The following PGM1 variants were observed in gnomAD, a reference collection of about 807,000 sequenced individuals.
PGM1 encodes phosphoglucomutase-1.
In PGM1, 52 loss-of-function variants were observed where a neutral mutation model predicts 55.6. The ratio of observed to expected loss-of-function variants is 0.94; its 90% CI spans 0.75 to 1.18. The LOEUF (loss-of-function observed/expected upper bound fraction) is 1.18, where lower values mean the gene tolerates loss of function less well. Among genes scored for constraint, PGM1 ranks in the 50% most tolerant of loss-of-function variants. The probability of loss-of-function intolerance (pLI) is 0.00; values close to 1 mark genes in which losing one functional copy is unlikely to be tolerated. For synonymous variants in PGM1, 287 were observed against 271.7 expected, an observed-to-expected ratio of 1.06 and a Z score of -0.55; for missense variants, 724 against 729.3, an observed-to-expected ratio of 0.99 and a Z score of 0.08.
At chr1:63,605,759 A>G (rs954498165) in intron 1 of PGM1, among the ~76,000 whole-genome samples, 2 of 151,888 alleles carry the variant, frequency 1.3e-5, no homozygotes, top group Non-Finnish European at 2.9e-5. Flanking sequence ...TTTTGTAAAG[A>G]TGAGGTTTTG....
chr1:63,637,364 G>A (rs1050811330), intron 6 of PGM1, among the ~76,000 whole-genome samples: 9 of 152,198 alleles, frequency 5.9e-5, no homozygotes, highest in African/African-American at 2.2e-4. Context: ...GCTGACTCAG[G>A]ATTTGAACCC....
At chr1:63,635,724 G>C (rs751745531) in intron 5 of PGM1, among the ~76,000 whole-genome samples, 9 of 152,186 alleles carry the variant, frequency 5.9e-5, no homozygotes, top group Non-Finnish European at 1.0e-4. Flanking sequence ...AAATTAAAGG[G>C]GTTCCAGCAG....
rs1158087933 is a variant in PGM1 at position 63,593,699 on chromosome 1, A to C, written c.211A>C (p.Ile71Leu). ...GDGRFYMKEAIQLIARIAAAN... is the reference protein window; with the variant it reads ...GDGRFYMKEALQLIARIAAAN... Reference sequence around the variant, plus strand: ...CGGCCGGTTCTACATGAAGGAGGCCATCCAGCTCATCGCTCGCATCGCTGC... The same window carrying C: ...CGGCCGGTTCTACATGAAGGAGGCCCTCCAGCTCATCGCTCGCATCGCTGC... Residue 71 changes from isoleucine to leucine, a missense_variant, in exon 1 of 11, where the codon ATC (isoleucine) becomes CTC (leucine). By Grantham distance (5) the Ile-to-Leu change is conservative. Transcript: ENST00000371084. The C allele has an allele frequency of 1.9e-6, 3 of 1,602,642 alleles. No individual in the cohort carries two copies. Among genetic ancestry groups the C allele is most frequent in the Admixed American group, 1.7e-5 (1 of 59,046 alleles).
At chr1:63,659,453 T>C (rs1650057814) in intron 10 of PGM1, 133 bp from the exon 11 acceptor site, 1 of 733,996 alleles carries the variant, frequency 1.4e-6, no homozygotes, top group Admixed American at 2.0e-5. Context: ...AAATAACATG[T>C]GTTTGTTTTT....
At chr1:63,654,529 G>A in intron 10 of PGM1, 63 bp downstream of exon 10, 1 of 1,563,256 alleles carries the variant, frequency 6.4e-7, no homozygotes, top group Non-Finnish European at 8.8e-7. Context: ...GTTTCCCATT[G>A]AGCCTGTGTT....
rs1254645764 is a variant in PGM1, at chr1:63,623,210, C to G, written c.247-6215C>G. The G allele has an allele frequency of 3.7e-6, 5 of 1,340,678 alleles. No homozygotes were observed. The East Asian group carries it at 1.4e-4, about 39-fold the overall frequency. The allele number at this position is 1,340,678 out of a possible 1,614,324, so 83.0% of individuals were successfully genotyped here. A position where few individuals can be genotyped will look rare whatever the true frequency, so the allele number is the denominator to read the frequency against. ...GCTTGGTTAAGTGGGCAGAAGTGTC[C>G]TCATCAAAACAACTTTGAAGACCTG... On this transcript the variant is annotated intron_variant, in intron 1 of 10. Coordinates refer to ENST00000371084, the MANE Select transcript of PGM1 (RefSeq NM_002633.3).
intron 1 of PGM1, among the ~76,000 whole-genome samples, chr1:63,622,710 GTTC>G (rs1443915343): frequency 1.3e-5 from 2 of 152,308 alleles, no homozygotes; most frequent in East Asian, 3.9e-4. Flanking sequence ...GGAGGTATCT[GTTC>G]TTCTAGAACT....
chr1:63,619,955 C>T (rs890340099), intron 1 of PGM1, among the ~76,000 whole-genome samples: 2 of 152,124 alleles, frequency 1.3e-5, no homozygotes, highest in South Asian at 2.1e-4. Flanking sequence ...TCGCAAAAAC[C>T]TTGGGAGAGA....
At chr1:63,623,654 T>C in intron 1 of PGM1, 3 of 1,612,572 alleles carry the variant, frequency 1.9e-6, no homozygotes, top group Non-Finnish European at 2.5e-6. Flanking sequence ...TTCTTTTCCA[T>C]AGACCTAAAA....
At chr1:63,608,198 G>A (rs975190986) in intron 1 of PGM1, among the ~76,000 whole-genome samples, 1 of 152,202 alleles carries the variant, frequency 6.6e-6, no homozygotes, top group African/African-American at 2.4e-5. Flanking sequence ...CAAGCACATT[G>A]ACCTGTAGAG....
intron 1 of PGM1, among the ~76,000 whole-genome samples, chr1:63,608,400 G>A (rs756429837): frequency 6.6e-6 from 1 of 152,148 alleles, no homozygotes; most frequent in Non-Finnish European, 1.5e-5. Flanking sequence ...CCAAATACCC[G>A]GCCCTGACCG....
intron 3 of PGM1, among the ~76,000 whole-genome samples, chr1:63,631,015 A>G (rs1402036854): frequency 6.6e-6 from 1 of 152,210 alleles, no homozygotes; most frequent in Non-Finnish European, 1.5e-5. Context: ...TAAATTCTTC[A>G]TATTTTGAAA....
At chr1:63,611,431 C>A (rs1345064709) in intron 1 of PGM1, among the ~76,000 whole-genome samples, 1 of 152,126 alleles carries the variant, frequency 6.6e-6, no homozygotes, top group Non-Finnish European at 1.5e-5. Flanking sequence ...AAGAGGGAGG[C>A]CGCCGGTGAC....
In PGM1 at chr1:63,629,984, G is replaced by A. The variant is rs779342358; in HGVS notation, c.452G>A (p.Ser151Asn). ...ATAACTGATAAAATTTTCCAAATCA[G>A]CAAGACAATTGAAGAATATGCAGTT... ...EAITDKIFQI[S>N]KTIEEYAVCP... The change falls in exon 3 of 11, where the codon AGC (serine) becomes AAC (asparagine). Residue 151 changes from serine to asparagine, a missense_variant. Transcript: ENST00000371084. 3 of 1,614,038 alleles carry A rather than the reference G, an allele frequency of 1.9e-6. No homozygotes were observed. Among genetic ancestry groups the A allele is most frequent in the Non-Finnish European group, 2.5e-6 (3 of 1,179,954 alleles).
At chr1:63,636,029 T>C (rs183372423) in intron 5 of PGM1, among the ~76,000 whole-genome samples, 193 of 152,378 alleles carry the variant, frequency 1.3e-3, no homozygotes, top group Middle Eastern at 3.4e-3. Context: ...GAAAACAGTT[T>C]TAACTTTTTG....
intron 1 of PGM1, among the ~76,000 whole-genome samples, chr1:63,594,723 C>T (rs921167708): frequency 6.7e-6 from 1 of 149,942 alleles, no homozygotes; most frequent in Admixed American, 6.7e-5. Flanking sequence ...TGGTGGATCA[C>T]CTGAGGTCAG....
rs1005837595 is a variant in PGM1 at position 63,630,081 on chromosome 1, C to T, written c.549C>T (p.Pro183=). 6.2e-7 allele frequency: 1 copy of T among 1,613,776 alleles called. No homozygotes were observed. The highest frequency in any genetic ancestry group is 8.5e-7 in the Non-Finnish European group (1 of 1,179,808). The change falls in exon 3 of 11, where the codon CCC becomes CCT. Residue 183 remains proline, a synonymous_variant. Coordinates refer to ENST00000371084, the MANE Select transcript of PGM1 (RefSeq NM_002633.3). ...QQFDLENKFK[P]FTVEIVDSVE... ...TTGACTTGGAAAATAAGTTCAAACCCTTCACAGGCATGTTTACTTTCCTCC... is the reference window on the plus strand; with the variant it reads ...TTGACTTGGAAAATAAGTTCAAACCTTTCACAGGCATGTTTACTTTCCTCC...
chr1:63,629,400 G>A (rs1649127352), intron 1 of PGM1, 25 bp from the exon 2 acceptor site: 1 of 1,607,988 alleles, frequency 6.2e-7, no homozygotes, highest in South Asian at 1.1e-5. Context: ...ATGTTAAAGA[G>A]TGTGTTCTGG....
intron 4 of PGM1, among the ~76,000 whole-genome samples, chr1:63,632,254 C>T (rs1649215952): frequency 1.3e-5 from 2 of 152,132 alleles, no homozygotes; most frequent in Non-Finnish European, 2.9e-5. Flanking sequence ...ATGTGTACAG[C>T]CCTCTCTTCT....
Sources: allele counts gnomAD v4.1 joint callset (sites outside exome capture counted in the v4.1 genomes callset), GRCh38; gene constraint gnomAD v4.1.1; transcripts MANE v1.5; gene names NCBI Gene and HGNC (gene_info 2026-07-23, HGNC 2026-07-21).